The following VPS13B variants were observed in gnomAD, a reference collection of about 807,000 sequenced individuals.
VPS13B encodes the protein intermembrane lipid transfer protein VPS13B.
In VPS13B, 285 loss-of-function variants were observed where a neutral mutation model predicts 426.4. That is an observed-to-expected ratio of 0.67 (90% CI 0.61 to 0.74). The LOEUF (loss-of-function observed/expected upper bound fraction) is 0.74. Ranked by LOEUF, VPS13B falls within the 30% of genes least tolerant of loss-of-function variation. The probability of loss-of-function intolerance (pLI) is 0.00; values close to 1 mark genes in which losing one functional copy is unlikely to be tolerated. For synonymous variants in VPS13B, 1,676 were observed against 1,676.4 expected (o/e 1.00, Z 0.01); for missense variants, 4,537 against 4,782.6 (o/e 0.95, Z 1.51).
intron 16 of VPS13B, among the ~76,000 whole-genome samples, chr8:99,177,868 G>A (rs1446653799): frequency 6.6e-6 from 1 of 152,050 alleles, no homozygotes; most frequent in African/African-American, 2.4e-5. Context: ...CTCAGTATTT[G>A]GCTTTGCCTG....
intron 3 of VPS13B, among the ~76,000 whole-genome samples, chr8:99,082,759 A>G (rs928576373): frequency 3.3e-5 from 5 of 152,184 alleles, no homozygotes; most frequent in African/African-American, 1.2e-4. Context: ...TTTGTCAAAG[A>G]TCAGATGATT....
intron 33 of VPS13B, among the ~76,000 whole-genome samples, chr8:99,578,286 A>C (rs1825868895): frequency 6.6e-6 from 1 of 152,152 alleles, no homozygotes; most frequent in Admixed American, 6.5e-5. Flanking sequence ...TCAGGTGAAC[A>C]AACTGTTTAT....
At position 99,853,545 on chromosome 8, in the gene VPS13B, C is replaced by T. The variant is rs202113184; in HGVS notation, c.10156C>T (p.Leu3386Phe). The change falls in exon 56 of 62, where the codon CTT becomes TTT. Residue 3386 changes from leucine (L) to phenylalanine (F), a missense_variant. Leu to Phe is a conservative substitution (Grantham distance 22, BLOSUM62 0). Around this residue, in one of 2 missense-constraint regions of VPS13B, gnomAD observed 4,311 missense variants for 4,474.3 expected, o/e 0.96. Coordinates refer to ENST00000357162, the MANE Select transcript of VPS13B (RefSeq NM_152564.5). ...CACCCACCACAAAGCATCAGCTGAG[C>T]TTCTGAGACTCACACTGGACAACAT... ...DLTHHKASAE[L>F]LRLTLDNIFL... is the part of the protein sequence containing the mutation. The T allele has an allele frequency of 6.2e-7, 1 of 1,614,226 alleles. No homozygotes were observed. Among genetic ancestry groups the T allele is most frequent in the Non-Finnish European group, 8.5e-7 (1 of 1,180,042 alleles).
chr8:99,685,421 T>G (rs368625515), intron 35 of VPS13B, among the ~76,000 whole-genome samples: 45 of 152,362 alleles, frequency 3.0e-4, no homozygotes, highest in East Asian at 2.9e-3. Context: ...TGGGGGCTCC[T>G]GGAAAGAATC....
intron 39 of VPS13B, among the ~76,000 whole-genome samples, chr8:99,757,311 A>G (rs1810689203): frequency 6.6e-6 from 1 of 152,180 alleles, no homozygotes; most frequent in South Asian, 2.1e-4. Flanking sequence ...GTTTTGTCAT[A>G]GTTGAGCAGA....
chr8:99,711,104 A>G (rs1435965916), intron 36 of VPS13B, among the ~76,000 whole-genome samples: 1 of 152,166 alleles, frequency 6.6e-6, no homozygotes, highest in East Asian at 1.9e-4. Flanking sequence ...TTCAAAGGAA[A>G]TATCTATTTT....
chr8:99,620,986 C>CAAAAAA (rs397892235), intron 33 of VPS13B, among the ~76,000 whole-genome samples: 7 of 50,800 alleles, frequency 1.4e-4, no homozygotes, highest in South Asian at 7.9e-4. Flanking sequence ...AACTCCATCT[C>CAAAAAA]AAAAAAAAAA....
intron 30 of VPS13B, among the ~76,000 whole-genome samples, chr8:99,555,722 A>T (rs1439822805): frequency 6.6e-6 from 1 of 152,062 alleles, no homozygotes; most frequent in African/African-American, 2.4e-5. Flanking sequence ...ATTTTTATGT[A>T]TTTACTTCCT....
At chr8:99,560,260 A>G (rs1300424068) in intron 31 of VPS13B, among the ~76,000 whole-genome samples, 1 of 152,092 alleles carries the variant, frequency 6.6e-6, no homozygotes, top group Admixed American at 6.6e-5. Flanking sequence ...TTGATTTTGT[A>G]TCCTGAGATT....
At chr8:99,636,346 A>G (rs1829067651) in intron 33 of VPS13B, among the ~76,000 whole-genome samples, 1 of 151,990 alleles carries the variant, frequency 6.6e-6, no homozygotes, top group African/African-American at 2.4e-5. Flanking sequence ...ATAACAATTT[A>G]TCTTGATAGA....
intron 30 of VPS13B, among the ~76,000 whole-genome samples, chr8:99,539,590 T>G (rs748924769): frequency 6.6e-6 from 1 of 151,954 alleles, no homozygotes; most frequent in Non-Finnish European, 1.5e-5. Context: ...TACAAAAAAT[T>G]AAAACATTAG....
Position 99,640,921 on chromosome 8 carries a change from G to A in VPS13B, c.5221-890G>A, listed in dbSNP as rs1287301754. On this transcript the variant is annotated intron_variant, in intron 33 of 61. Transcript: ENST00000357162. Reference sequence around the variant, plus strand: ...TGGGGTAGTTTTTTTTACTCTTATGGATTTTTTATGGTTACCTTAATAATT... The same window carrying A: ...TGGGGTAGTTTTTTTTACTCTTATGAATTTTTTATGGTTACCTTAATAATT... 2.0e-5 allele frequency among the ~76,000 whole-genome samples: 3 copies of A among 152,078 alleles called. No homozygotes were observed. In the South Asian group the frequency reaches 6.2e-4, roughly 32 times the overall value.
At chr8:99,575,904 C>A in intron 32 of VPS13B, 120 bp downstream of exon 32, 1 of 983,236 alleles carries the variant, frequency 1.0e-6, no homozygotes, top group South Asian at 1.4e-5. Flanking sequence ...ATAATAATGG[C>A]TACTATCATA....
intron 34 of VPS13B, among the ~76,000 whole-genome samples, chr8:99,654,037 T>A (rs112688242): frequency 6.7e-6 from 1 of 150,354 alleles, no homozygotes; most frequent in Non-Finnish European, 1.5e-5. Context: ...TGATGATTAT[T>A]ATTATTATTA....
At chr8:99,597,421 TAGAG>T (rs971445835) in intron 33 of VPS13B, among the ~76,000 whole-genome samples, 8 of 151,910 alleles carry the variant, frequency 5.3e-5, no homozygotes, top group South Asian at 2.1e-4. Flanking sequence ...CTGTCAGTGT[TAGAG>T]AGAGAAAAAG....
intron 2 of VPS13B, among the ~76,000 whole-genome samples, chr8:99,036,137 G>A (rs111439877): frequency 0.013 from 1,986 of 152,086 alleles, 39 homozygotes; most frequent in African/African-American, 0.045. Flanking sequence ...TTGTGCAGAA[G>A]TTTTAAAATT....
intron 35 of VPS13B, among the ~76,000 whole-genome samples, chr8:99,672,163 T>A (rs1830742669): frequency 6.6e-6 from 1 of 152,206 alleles, no homozygotes; most frequent in Non-Finnish European, 1.5e-5. Context: ...TGAAGAATGT[T>A]TTTGATACTT....
At chr8:99,188,053 ATTTTTT>A (rs60360700) in intron 16 of VPS13B, among the ~76,000 whole-genome samples, 2 of 112,780 alleles carry the variant, frequency 1.8e-5, no homozygotes, top group African/African-American at 6.7e-5. Flanking sequence ...TTGTTTGGAC[ATTTTTT>A]TTTTTTTTTT....
chr8:99,043,182 A>G (rs983170613), intron 3 of VPS13B, among the ~76,000 whole-genome samples: 7 of 151,486 alleles, frequency 4.6e-5, no homozygotes, highest in Admixed American at 4.0e-4. Context: ...TTACATTTAG[A>G]TAGGATTTTT....
Sources: gnomAD v4.1 joint callset for allele counts (sites outside exome capture counted in the v4.1 genomes callset) on GRCh38, gnomAD v4.1.1 for gene constraint, gnomAD v4.1.1 regional missense constraint, MANE v1.5 for transcripts, NCBI Gene and HGNC (gene_info 2026-07-23, HGNC 2026-07-21) for gene names.